The following NRG3 variants were observed in gnomAD, a reference collection of about 807,000 sequenced individuals.
NRG3 encodes the protein pro-neuregulin-3, membrane-bound isoform.
Under a neutral mutation model 66.9 loss-of-function variants are expected in NRG3, and 31 were observed. The observed-to-expected ratio is 0.46, with a 90% CI of 0.35 to 0.63. NRG3 has a LOEUF of 0.63. NRG3 is among the 20% of genes least tolerant of loss of function. The pLI is 0.00. For missense variants in NRG3, 910 were observed against 878.9 expected, an observed-to-expected ratio of 1.04 and a Z score of -0.45; for synonymous variants, 393 against 359.4, an observed-to-expected ratio of 1.09 and a Z score of -1.06.
At chr10:82,907,575 C>T (rs1844871331) in intron 4 of NRG3, among the ~76,000 whole-genome samples, 1 of 152,156 alleles carries the variant, frequency 6.6e-6, no homozygotes, top group Non-Finnish European at 1.5e-5. Flanking sequence ...TGGACTGTTT[C>T]TTAAACCAGT....
intron 1 of NRG3, among the ~76,000 whole-genome samples, chr10:82,269,935 T>C (rs935091079): frequency 1.3e-5 from 2 of 152,166 alleles, no homozygotes; most frequent in African/African-American, 4.8e-5. Flanking sequence ...GTGCTTCATG[T>C]ATGAATCTTG....
chr10:82,068,243 A>AT (rs1206827916), intron 1 of NRG3, among the ~76,000 whole-genome samples: 3 of 152,212 alleles, frequency 2.0e-5, no homozygotes, highest in Admixed American at 6.5e-5. Context: ...CCTTTTAACA[A>AT]TTAGTATTTA....
At chr10:82,362,792 G>A (rs1338114707) in intron 2 of NRG3, among the ~76,000 whole-genome samples, 2 of 151,864 alleles carry the variant, frequency 1.3e-5, no homozygotes, top group Non-Finnish European at 2.9e-5. Context: ...ATAAACCAGA[G>A]GAAAATGAGA....
At chr10:82,425,829 C>T (rs935571677) in intron 2 of NRG3, among the ~76,000 whole-genome samples, 3 of 152,188 alleles carry the variant, frequency 2.0e-5, no homozygotes, top group Non-Finnish European at 4.4e-5. Flanking sequence ...CCTAGAGACT[C>T]CTTCTTAAAT....
rs556325237 is a variant in NRG3, at chr10:82,182,251, C to A, written c.824-176488C>A. Among the ~76,000 whole-genome samples, 4 of 151,484 alleles carry A rather than the reference C, an allele frequency of 2.6e-5. No individual in the cohort carries two copies. In the South Asian group the frequency reaches 8.3e-4, roughly 32 times the overall value. On this transcript the variant is annotated intron_variant, in intron 1 of 8. Transcript: ENST00000372141. ...TTAATGCATTCACATTAAAGGAGTT[C>A]TTGAAAAGGAAGGACTTCTTTTTGC...
At chr10:82,011,034 A>G (rs1482873591) in intron 1 of NRG3, among the ~76,000 whole-genome samples, 3 of 152,176 alleles carry the variant, frequency 2.0e-5, no homozygotes, top group Non-Finnish European at 4.4e-5. Flanking sequence ...ATTTTGACAG[A>G]AGTGTTTCCA....
At chr10:82,019,391 A>C (rs188041493) in intron 1 of NRG3, among the ~76,000 whole-genome samples, 2 of 152,202 alleles carry the variant, frequency 1.3e-5, no homozygotes, top group Non-Finnish European at 2.9e-5. Flanking sequence ...TATGATCTAA[A>C]ATTCTGTTTT....
At chr10:82,092,863 G>A (rs2066110506) in intron 1 of NRG3, among the ~76,000 whole-genome samples, 1 of 152,108 alleles carries the variant, frequency 6.6e-6, no homozygotes, top group African/African-American at 2.4e-5. Context: ...GCATCTGCCT[G>A]GACTGCTTGG....
intron 4 of NRG3, among the ~76,000 whole-genome samples, chr10:82,875,721 G>A (rs534796522): frequency 2.6e-4 from 39 of 152,232 alleles, no homozygotes; most frequent in Admixed American, 5.9e-4. Flanking sequence ...CAGTACATGC[G>A]CTGTTAATCA....
chr10:82,307,337 G>A (rs886540112), intron 1 of NRG3, among the ~76,000 whole-genome samples: 1 of 152,070 alleles, frequency 6.6e-6, no homozygotes, highest in Admixed American at 6.6e-5. Flanking sequence ...TAAGGAAGAG[G>A]AGAAAATTAA....
chr10:82,394,360 C>G lies in NRG3; in HGVS notation c.953+35492C>G, dbSNP rs140456278. ...AGGCAGGCTGCCAAAGCAAAGCTCC[C>G]TCATGTAATAGCTTGGGCAGATAAT... On this transcript the variant is annotated intron_variant, in intron 2 of 8. Transcript: ENST00000372141. 2.9e-3 allele frequency among the ~76,000 whole-genome samples: 439 copies of G among 152,324 alleles called. 4 individuals carry two copies. Among genetic ancestry groups the G allele is most frequent in the Non-Finnish European group, 4.8e-3 (326 of 68,036 alleles).
chr10:82,959,801 G>A (rs1421895793), intron 6 of NRG3, among the ~76,000 whole-genome samples: 2 of 152,166 alleles, frequency 1.3e-5, no homozygotes, highest in Non-Finnish European at 2.9e-5. Flanking sequence ...GAAGTTAAAT[G>A]CAAACTCTTT....
intron 3 of NRG3, among the ~76,000 whole-genome samples, chr10:82,826,410 G>C (rs1223613587): frequency 1.3e-5 from 2 of 152,196 alleles, no homozygotes; most frequent in African/African-American, 4.8e-5. Flanking sequence ...GTAAGTTTCT[G>C]TTAAGACATT....
intron 3 of NRG3, among the ~76,000 whole-genome samples, chr10:82,865,065 A>G (rs472696): frequency 0.64 from 97,511 of 152,110 alleles, 32,271 homozygotes; most frequent in African/African-American, 0.8. Flanking sequence ...AATATTATGC[A>G]TTCTGAAAAG....
chr10:82,401,377 TCA>T (rs997486085), intron 2 of NRG3, among the ~76,000 whole-genome samples: 22 of 141,202 alleles, frequency 1.6e-4, no homozygotes, highest in Non-Finnish European at 3.0e-4. Context: ...ATGTGTATAT[TCA>T]CACACACATT....
In NRG3 at chr10:82,940,995, C is replaced by T. The variant is rs532231672; in HGVS notation, c.1055-10474C>T. 7.9e-5 allele frequency among the ~76,000 whole-genome samples: 12 copies of T among 152,230 alleles called. No individual in the cohort carries two copies. The South Asian group carries it at 2.1e-3, about 26-fold the overall frequency. Reference sequence around the variant, plus strand: ...TTGGAAGACAAAATTCAATCCATAACAGTGGGAGTTTCAAGTAGAAAAAGG... The same window carrying T: ...TTGGAAGACAAAATTCAATCCATAATAGTGGGAGTTTCAAGTAGAAAAAGG... On this transcript the variant is annotated intron_variant, in intron 4 of 8. Transcript: ENST00000372141.
At chr10:82,256,960 G>A (rs2077761152) in intron 1 of NRG3, among the ~76,000 whole-genome samples, 1 of 152,112 alleles carries the variant, frequency 6.6e-6, no homozygotes, top group Non-Finnish European at 1.5e-5. Flanking sequence ...CATGGTCCGT[G>A]GAATTGCTAT....
At chr10:82,407,760 A>T (rs975262160) in intron 2 of NRG3, among the ~76,000 whole-genome samples, 4 of 152,012 alleles carry the variant, frequency 2.6e-5, no homozygotes, top group African/African-American at 9.7e-5. Flanking sequence ...TCTCCTCATG[A>T]AGTTTACATG....
chr10:82,769,572 G>C (rs1206350564), intron 3 of NRG3, among the ~76,000 whole-genome samples: 5 of 152,090 alleles, frequency 3.3e-5, no homozygotes, highest in East Asian at 3.9e-4. Flanking sequence ...ATGTGTTTAG[G>C]ATATGTGTGA....
Sources: gnomAD v4.1 joint callset for allele counts (sites outside exome capture counted in the v4.1 genomes callset) on GRCh38, gnomAD v4.1.1 for gene constraint, MANE v1.5 for transcripts, NCBI Gene and HGNC (gene_info 2026-07-23, HGNC 2026-07-21) for gene names.